SUGCT: variants seen among roughly 807,000 people sequenced by gnomAD.
SUGCT encodes succinyl-CoA:glutarate-CoA transferase.
In SUGCT, 41 loss-of-function variants were observed where a neutral mutation model predicts 55.0. That is an observed-to-expected ratio of 0.74 (90% CI 0.58 to 0.97). The LOEUF is 0.97. Among genes scored for constraint, SUGCT ranks in the 50% least tolerant of loss-of-function variants. The probability of loss-of-function intolerance (pLI) is 0.00; values close to 1 mark genes in which losing one functional copy is unlikely to be tolerated. For missense variants in SUGCT, 568 were observed against 547.8 expected, an observed-to-expected ratio of 1.04 and a Z score of -0.37; for synonymous variants, 187 against 200.4, an observed-to-expected ratio of 0.93 and a Z score of 0.56.
chr7:40,855,784 C>A (rs187306577), intron 13 of SUGCT, among the ~76,000 whole-genome samples: 74 of 152,316 alleles, frequency 4.9e-4, no homozygotes, highest in African/African-American at 1.7e-3. Flanking sequence ...CATAGACAGG[C>A]TATGGGCCCC....
At chr7:40,471,144 A>C (rs1790382963) in intron 11 of SUGCT, among the ~76,000 whole-genome samples, 1 of 152,070 alleles carries the variant, frequency 6.6e-6, no homozygotes, top group Non-Finnish European at 1.5e-5. Context: ...AAAATATACA[A>C]ATATATTCTA....
chr7:40,250,571 G>A (rs1039862789), intron 7 of SUGCT, among the ~76,000 whole-genome samples: 1 of 151,958 alleles, frequency 6.6e-6, no homozygotes, highest in East Asian at 1.9e-4. Context: ...ATGCTTATAC[G>A]TTGGCATATT....
chr7:40,222,653 C>T (rs1222386924), intron 6 of SUGCT, among the ~76,000 whole-genome samples: 3 of 152,150 alleles, frequency 2.0e-5, no homozygotes, highest in Non-Finnish European at 2.9e-5. Flanking sequence ...ACCAGCCTGG[C>T]TAACATGGCG....
chr7:40,220,331 C>T (rs1199380236), intron 6 of SUGCT, among the ~76,000 whole-genome samples: 2 of 152,100 alleles, frequency 1.3e-5, no homozygotes, highest in African/African-American at 4.8e-5. Context: ...CCAGAGTGTT[C>T]CAGATATTTA....
At chr7:40,834,398 C>T (rs561631632) in intron 13 of SUGCT, among the ~76,000 whole-genome samples, 3 of 152,200 alleles carry the variant, frequency 2.0e-5, no homozygotes, top group African/African-American at 7.2e-5. Flanking sequence ...ATTTTTCCAC[C>T]AGAAGTATTC....
At chr7:40,251,809 G>C (rs948074813) in intron 7 of SUGCT, among the ~76,000 whole-genome samples, 2 of 151,990 alleles carry the variant, frequency 1.3e-5, no homozygotes, top group Non-Finnish European at 2.9e-5. Flanking sequence ...GGAAGGAGCA[G>C]TGAGGTGCTG....
intron 12 of SUGCT, among the ~76,000 whole-genome samples, chr7:40,502,507 TTAAA>T (rs1358126032): frequency 2.6e-5 from 4 of 151,950 alleles, no homozygotes; most frequent in African/African-American, 9.7e-5. Flanking sequence ...TAATTCAATA[TTAAA>T]TTAATAGCAA....
intron 12 of SUGCT, among the ~76,000 whole-genome samples, chr7:40,710,988 G>A (rs891870161): frequency 6.6e-6 from 1 of 152,158 alleles, no homozygotes; most frequent in African/African-American, 2.4e-5. Context: ...GTACAGTGTC[G>A]TTGCCTGAGT....
rs1418979436 is a variant in SUGCT at position 40,181,059 on chromosome 7, A to T, written c.152+61A>T. ...TTTTTCCCTTTCCTCAAAAACTTTT[A>T]ATTTTTTGAATTATAAGAAGAGACT... On this transcript the variant is annotated intron_variant, in intron 2 of 13. Coordinates refer to ENST00000335693, the MANE Select transcript of SUGCT (RefSeq NM_001193313.2). The T allele has an allele frequency of 6.7e-6, 8 of 1,201,404 alleles. No individual in the cohort carries two copies. The Admixed American group carries it at 1.5e-4, about 23-fold the overall frequency. The allele number at this position is 1,201,404 out of a possible 1,614,324, so 74.4% of individuals were successfully genotyped here. A position where few individuals can be genotyped will look rare whatever the true frequency, so the allele number is the denominator to read the frequency against.
chr7:40,276,089 G>T (rs1210897271), intron 8 of SUGCT, among the ~76,000 whole-genome samples: 1 of 152,094 alleles, frequency 6.6e-6, no homozygotes, highest in African/African-American at 2.4e-5. Flanking sequence ...AATTAAGGAG[G>T]TATATAGAAA....
intron 12 of SUGCT, among the ~76,000 whole-genome samples, chr7:40,628,708 T>G (rs946612140): frequency 1.3e-5 from 2 of 150,266 alleles, no homozygotes; most frequent in Non-Finnish European, 2.9e-5. Flanking sequence ...ACTCAGTTTT[T>G]GGGTGTGTGT....
the SUGCT span, among the ~76,000 whole-genome samples, chr7:40,956,664 GT>G: frequency 3.9e-4 from 43 of 108,972 alleles, no homozygotes; most frequent in Admixed American, 7.7e-4. Flanking sequence ...CTTCTTCTAG[GT>G]TTGGAATTTG....
chr7:40,908,214 T>TAA, the SUGCT span, among the ~76,000 whole-genome samples: 1 of 146,772 alleles, frequency 6.8e-6, no homozygotes, highest in African/African-American at 2.5e-5. Context: ...CCATCTCTAC[T>TAA]AAAAAAAAAA....
intron 12 of SUGCT, among the ~76,000 whole-genome samples, chr7:40,543,851 G>A (rs2151625271): frequency 6.6e-6 from 1 of 152,284 alleles, no homozygotes; most frequent in East Asian, 1.9e-4. Context: ...TATATATTTA[G>A]TTGGGAACAA....
intron 1 of SUGCT, among the ~76,000 whole-genome samples, chr7:40,139,501 G>A (rs1427272942): frequency 6.6e-6 from 1 of 152,138 alleles, no homozygotes; most frequent in African/African-American, 2.4e-5. Context: ...CCCGGCTGAT[G>A]GTGAACATTT....
At chr7:40,312,937 A>C (rs1326641390) in intron 8 of SUGCT, among the ~76,000 whole-genome samples, 1 of 152,036 alleles carries the variant, frequency 6.6e-6, no homozygotes, top group Non-Finnish European at 1.5e-5. Context: ...TTGGAGATGA[A>C]AGATTGTATT....
At chr7:40,449,453 T>A in intron 10 of SUGCT, 95 bp downstream of exon 10, 2 of 814,342 alleles carry the variant, frequency 2.5e-6, no homozygotes, top group Non-Finnish European at 4.2e-6. Flanking sequence ...GCCCCCTGTG[T>A]TAGCAACTAA....
intron 13 of SUGCT, among the ~76,000 whole-genome samples, chr7:40,830,597 A>G (rs1397314356): frequency 6.6e-6 from 1 of 152,088 alleles, no homozygotes; most frequent in Non-Finnish European, 1.5e-5. Flanking sequence ...TGATCACTCC[A>G]TCTAACAGAA....
chr7:40,460,062 A>G (rs1302942608), intron 11 of SUGCT, among the ~76,000 whole-genome samples: 1 of 152,160 alleles, frequency 6.6e-6, no homozygotes, highest in Non-Finnish European at 1.5e-5. Context: ...GCCTTTTGAA[A>G]AGGCTCAAGT....
Sources: allele counts gnomAD v4.1 joint callset (sites outside exome capture counted in the v4.1 genomes callset), GRCh38; gene constraint gnomAD v4.1.1; transcripts MANE v1.5; gene names NCBI Gene and HGNC (gene_info 2026-07-23, HGNC 2026-07-21).